Variants in OPHN1 observed in about 807,000 individuals in gnomAD.
The protein encoded by OPHN1 is oligophrenin-1.
In OPHN1, 11 loss-of-function variants were observed where a neutral mutation model predicts 60.7. That is an observed-to-expected ratio of 0.18 (90% confidence interval 0.11 to 0.30). OPHN1 has a LOEUF of 0.30. OPHN1 is among the 10% of genes least tolerant of loss of function. OPHN1 has a pLI of 1.00. For missense variants in OPHN1, 449 were observed against 611.0 expected (o/e 0.73, Z 2.80); for synonymous variants, 226 against 222.6 (o/e 1.02, Z -0.14).
At chrX:68,317,539 A>AAAAAAAGAAAG (rs2078212206) in intron 2 of OPHN1, among the ~76,000 whole-genome samples, 5 of 58,951 alleles carry the variant, frequency 8.5e-5, no homozygotes, top group Admixed American at 5.9e-4. Context: ...AAGAAAGAAA[A>AAAAAAAGAAAG]AAAGAAAGAA....
chrX:68,378,674 A>C, intron 2 of OPHN1, among the ~76,000 whole-genome samples: 1 of 111,910 alleles, frequency 8.9e-6, no homozygotes, highest in Non-Finnish European at 1.9e-5. Context: ...TCCCAGCACC[A>C]TTTATTAAAC....
At chrX:68,157,526 T>C (rs1429400821) in intron 15 of OPHN1, among the ~76,000 whole-genome samples, 7 of 111,013 alleles carry the variant, frequency 6.3e-5, no homozygotes, top group Non-Finnish European at 1.1e-4. Context: ...AAGCAAAACA[T>C]TGAGCACACC....
rs185107682 is a variant in OPHN1 at position 68,363,612 on chromosome X, G to A, written c.155-64516C>T. On this transcript the variant is annotated intron_variant, in intron 2 of 24. Transcript: ENST00000355520. ...CAGGCATGAGCCACCATGCCTGGCT[G>A]TTAACTTTTTTAAAAAAGACAGTTT... 7.0e-3 allele frequency among the ~76,000 whole-genome samples: 783 copies of A among 111,582 alleles called. 5 individuals carry two copies. Among genetic ancestry groups the A allele is most frequent in the Non-Finnish European group, 0.012 (659 of 53,118 alleles).
chrX:68,267,419 C>T (rs866971395), intron 5 of OPHN1, among the ~76,000 whole-genome samples: 7 of 111,742 alleles, frequency 6.3e-5, no homozygotes, highest in African/African-American at 1.3e-4. Context: ...GACCTGCTCC[C>T]GAATGACTAC....
chrX:68,147,327 T>C (rs2077268028), intron 15 of OPHN1, among the ~76,000 whole-genome samples: 1 of 112,073 alleles, frequency 8.9e-6, no homozygotes, highest in Non-Finnish European at 1.9e-5. Context: ...GAGAGAGTCA[T>C]ATAAAAGCAG....
At position 68,044,142 on chromosome X, in the gene OPHN1, A is replaced by G. The variant is rs139516028; in HGVS notation, c.*3030T>C. 8.9e-6 allele frequency: 1 copy of G among 112,570 alleles called. No homozygotes were observed. The highest frequency in any genetic ancestry group is 1.9e-5 in the Non-Finnish European group (1 of 53,308). 9.3% of individuals were successfully genotyped at this position (112,570 alleles called of 1,213,427 possible). A position where few individuals can be genotyped will look rare whatever the true frequency, so the allele number is the denominator to read the frequency against. On this transcript the variant is annotated 3_prime_UTR_variant, in exon 25 of 25. Coordinates refer to ENST00000355520, the MANE Select transcript of OPHN1 (RefSeq NM_002547.3). ...TCCAGCCCAGTTTGCATTTCCATAT[A>G]AACTGAACCTGCACCCCCTCCCTCC...
At position 68,169,306 on chromosome X, in the gene OPHN1, C is replaced by T. The variant is rs1441045447; in HGVS notation, c.1276+23613G>A. Among the ~76,000 whole-genome samples, 26 of 111,517 alleles carry T rather than the reference C, an allele frequency of 2.3e-4. No homozygotes were observed. In the South Asian group the frequency reaches 9.6e-3, roughly 41 times the overall value. On this transcript the variant is annotated intron_variant, in intron 15 of 24. Coordinates refer to ENST00000355520, the MANE Select transcript of OPHN1 (RefSeq NM_002547.3). ...GGATACAAAGAAATGGAAGAACATT[C>T]CATGCTCATGGGTAGGAAGAATCAA...
At chrX:68,349,052 T>C (rs2078392993) in intron 2 of OPHN1, among the ~76,000 whole-genome samples, 1 of 111,271 alleles carries the variant, frequency 9.0e-6, no homozygotes, top group Non-Finnish European at 1.9e-5. Context: ...TGATGCTGGA[T>C]AGATTAATTA....
At chrX:68,064,912 G>A (rs1376789582) in intron 20 of OPHN1, among the ~76,000 whole-genome samples, 5 of 111,581 alleles carry the variant, frequency 4.5e-5, no homozygotes, top group African/African-American at 1.3e-4. Flanking sequence ...AAAAAACTTC[G>A]AGTGCAGTGG....
At chrX:68,168,906 G>T (rs2077374198) in intron 15 of OPHN1, among the ~76,000 whole-genome samples, 1 of 111,595 alleles carries the variant, frequency 9.0e-6, no homozygotes, top group South Asian at 3.8e-4. Flanking sequence ...AAATCTAGAA[G>T]AAATGGATAA....
chrX:68,061,758 T>C (rs1024166196), intron 21 of OPHN1, among the ~76,000 whole-genome samples: 1 of 111,839 alleles, frequency 8.9e-6, no homozygotes, highest in Non-Finnish European at 1.9e-5. Context: ...TGTGATCGCA[T>C]GAGTGATCAC....
intron 2 of OPHN1, among the ~76,000 whole-genome samples, chrX:68,350,731 A>G (rs5965556): frequency 0.31 from 33,529 of 107,236 alleles, 7,769 homozygotes; most frequent in African/African-American, 0.81. Context: ...GCCCAGGCTG[A>G]TCTCAAACTC....
intron 2 of OPHN1, among the ~76,000 whole-genome samples, chrX:68,305,430 G>A (rs1225900402): frequency 8.9e-6 from 1 of 112,099 alleles, no homozygotes; most frequent in African/African-American, 3.2e-5. Flanking sequence ...TTGAAAAGTT[G>A]CAATGTAAAA....
intron 15 of OPHN1, among the ~76,000 whole-genome samples, chrX:68,173,878 T>C (rs1417165930): frequency 9.0e-6 from 1 of 111,345 alleles, no homozygotes; most frequent in Non-Finnish European, 1.9e-5. Flanking sequence ...AGAGTGTAAT[T>C]TTATTTCTAT....
At chrX:68,346,545 T>C (rs1274828634) in intron 2 of OPHN1, among the ~76,000 whole-genome samples, 2 of 111,932 alleles carry the variant, frequency 1.8e-5, no homozygotes, top group African/African-American at 6.5e-5. Context: ...AGCAAATAGC[T>C]GAGAGGAGTG....
chrX:68,329,351 T>A (rs760093726), intron 2 of OPHN1, among the ~76,000 whole-genome samples: 2 of 112,523 alleles, frequency 1.8e-5, no homozygotes, highest in East Asian at 5.6e-4. Context: ...ATAATCTGAG[T>A]AACTCTTGCA....
intron 2 of OPHN1, among the ~76,000 whole-genome samples, chrX:68,393,823 A>G (rs1208996767): frequency 1.9e-5 from 2 of 102,711 alleles, no homozygotes; most frequent in South Asian, 4.8e-4. Context: ...GGTGTCAAGC[A>G]TGAGGTATGG....
At chrX:68,359,653 G>A (rs2078460449) in intron 2 of OPHN1, among the ~76,000 whole-genome samples, 1 of 109,478 alleles carries the variant, frequency 9.1e-6, no homozygotes, top group East Asian at 2.9e-4. Flanking sequence ...TCAGGAGATT[G>A]AGACCATCCT....
chrX:68,104,089 T>C (rs1471944897), intron 18 of OPHN1, among the ~76,000 whole-genome samples: 2 of 111,284 alleles, frequency 1.8e-5, no homozygotes, highest in Non-Finnish European at 1.9e-5. Context: ...ATAAAATACC[T>C]AGGAATACAA....
Sources: allele counts gnomAD v4.1 joint callset (sites outside exome capture counted in the v4.1 genomes callset), GRCh38; gene constraint gnomAD v4.1.1; transcripts MANE v1.5; gene names NCBI Gene and HGNC (gene_info 2026-07-23, HGNC 2026-07-21).